Variants in PGAP4 observed in about 807,000 individuals in gnomAD.
PGAP4 encodes post-GPI attachment to proteins GalNAc transferase 4, also known as GPI-N-acetylgalactosamine transferase PGAP4.
In PGAP4, 12 loss-of-function variants were observed where a neutral mutation model predicts 28.2. That is an observed-to-expected ratio of 0.42 (90% CI 0.27 to 0.69). PGAP4 has a LOEUF of 0.69. Among genes scored for constraint, PGAP4 ranks in the 30% least tolerant of loss-of-function variants. The pLI is 0.22. For synonymous variants in PGAP4, 205 were observed against 211.8 expected, an observed-to-expected ratio of 0.97 and a Z score of 0.28; for missense variants, 425 against 513.5, an observed-to-expected ratio of 0.83 and a Z score of 1.67.
intron 1 of PGAP4, chr9:101,481,460 A>T (rs1219826681): frequency 6.6e-6 from 1 of 152,234 alleles, no homozygotes; most frequent in Non-Finnish European, 1.5e-5. Flanking sequence ...CAGTTACACC[A>T]TTACAGCTCC....
At position 101,476,179 on chromosome 9, in the gene PGAP4, A is replaced by G; in HGVS notation, c.914T>C (p.Val305Ala). 6.2e-7 allele frequency: 1 copy of G among 1,614,142 alleles called. No homozygotes were observed. The highest frequency in any genetic ancestry group is 8.5e-7 in the Non-Finnish European group (1 of 1,180,016). Residue 305 changes from valine (V) to alanine (A), a missense_variant, in exon 2 of 2, where the codon GTG becomes GCG. Coordinates refer to ENST00000374848, the MANE Select transcript of PGAP4 (RefSeq NM_032342.3). The surrounding 1 kb of genome is among the most constrained non-coding windows in gnomAD (Gnocchi z 7.0). ...LFFSLYSMGL[V>A]ELVGRHYFLE... ...GAAATAGTGCCGACCCACCAGCTCC[A>G]CCAGACCCATGCTATACAGGGAGAA...
At chr9:101,481,017 A>T (rs908984203) in intron 1 of PGAP4, among the ~76,000 whole-genome samples, 5 of 152,146 alleles carry the variant, frequency 3.3e-5, no homozygotes, top group Non-Finnish European at 7.3e-5. Flanking sequence ...TCTCAACAAA[A>T]GATACAAAAA....
upstream of PGAP4, among the ~76,000 whole-genome samples, chr9:101,491,103 A>G (rs1826684415): frequency 6.6e-6 from 1 of 152,160 alleles, no homozygotes; most frequent in African/African-American, 2.4e-5. Context: ...CAAAGATATT[A>G]GTTAATTGTC....
At position 101,474,143 on chromosome 9, in the gene PGAP4, A is replaced by G. The variant is rs1169964414; in HGVS notation, c.*1738T>C. The stretch of plus-strand genomic sequence containing the variant: ...TTAAGAAAAAAGTGCAGGGGCTTGA[A>G]GTCAGAAGAGCTCCGTTCCCATTTT... On this transcript the variant is annotated 3_prime_UTR_variant, in exon 2 of 2. Coordinates refer to ENST00000374848, the MANE Select transcript of PGAP4 (RefSeq NM_032342.3). The G allele has an allele frequency of 1.3e-5, 2 of 152,222 alleles. No individual in the cohort carries two copies. Among genetic ancestry groups the G allele is most frequent in the African/African-American group, 4.8e-5 (2 of 41,460 alleles). The allele number at this position is 152,222 out of a possible 1,614,324, so 9.4% of individuals were successfully genotyped here. A position where few individuals can be genotyped will look rare whatever the true frequency, so the allele number is the denominator to read the frequency against.
At chr9:101,481,536 C>T (rs1040502792) in intron 1 of PGAP4, 3 of 152,206 alleles carry the variant, frequency 2.0e-5, no homozygotes, top group East Asian at 3.9e-4. Flanking sequence ...GAAACACAAC[C>T]CTTCCCTAAA....
At chr9:101,512,554 A>G (rs936773813) in intron 2 of PGAP4, among the ~76,000 whole-genome samples, 1 of 152,204 alleles carries the variant, frequency 6.6e-6, no homozygotes, top group Non-Finnish European at 1.5e-5. Context: ...GTAAAAGCCA[A>G]TTAGACATTT....
At chr9:101,518,810 T>C (rs1826961913) in intron 2 of PGAP4, among the ~76,000 whole-genome samples, 1 of 152,210 alleles carries the variant, frequency 6.6e-6, no homozygotes. Context: ...ATGACTTCTT[T>C]TCCTCTGAGT....
intron 2 of PGAP4, among the ~76,000 whole-genome samples, chr9:101,514,487 T>A (rs1444403095): frequency 6.6e-6 from 1 of 151,874 alleles, no homozygotes; most frequent in Non-Finnish European, 1.5e-5. Context: ...GTCCTTTCTC[T>A]GTCTCTCATT....
At chr9:101,498,456 G>C (rs80348655) in intron 2 of PGAP4, among the ~76,000 whole-genome samples, 6,105 of 150,136 alleles carry the variant, frequency 0.041, 177 homozygotes, top group Admixed American at 0.079. Context: ...CTGTGGAGCT[G>C]TTGTAATTTG....
intron 2 of PGAP4, among the ~76,000 whole-genome samples, chr9:101,499,393 C>T (rs968472966): frequency 6.6e-6 from 1 of 151,382 alleles, no homozygotes; most frequent in African/African-American, 2.4e-5. Flanking sequence ...ACCTAAATAA[C>T]AGAGTCTCTC....
intron 2 of PGAP4, among the ~76,000 whole-genome samples, chr9:101,509,859 A>C (rs1286996904): frequency 6.8e-6 from 1 of 146,744 alleles, no homozygotes; most frequent in African/African-American, 2.4e-5. Context: ...AAAGCCGTCC[A>C]GTCATGGCAG....
intron 2 of PGAP4, among the ~76,000 whole-genome samples, chr9:101,500,984 A>G (rs1238458179): frequency 6.6e-6 from 1 of 152,032 alleles, no homozygotes; most frequent in African/African-American, 2.4e-5. Context: ...TAGACTGTAA[A>G]TTTCAAAAAA....
At chr9:101,481,556 CTACCTGT>C (rs2118532090) in intron 1 of PGAP4, 1 of 152,360 alleles carries the variant, frequency 6.6e-6, no homozygotes, top group Non-Finnish European at 1.5e-5. Context: ...ACAGAATTCT[CTACCTGT>C]TACCATATCT....
intron 1 of PGAP4, among the ~76,000 whole-genome samples, chr9:101,485,147 ATC>A (rs991518191): frequency 6.6e-6 from 1 of 152,124 alleles, no homozygotes; most frequent in Non-Finnish European, 1.5e-5. Context: ...TTTGGCATCT[ATC>A]TCTCTCTGCA....
intron 1 of PGAP4, among the ~76,000 whole-genome samples, chr9:101,482,548 G>C (rs1826518239): frequency 6.6e-6 from 1 of 152,204 alleles, no homozygotes; most frequent in South Asian, 2.1e-4. Context: ...TGAAGCATAA[G>C]TCAGAACATG....
At position 101,520,707 on chromosome 9, in the gene PGAP4, A is replaced by C. The variant is rs190784060; in HGVS notation, c.-165+10641T>G. Among the ~76,000 whole-genome samples the C allele has an allele frequency of 5.3e-5, 8 of 152,176 alleles. No individual in the cohort carries two copies. The East Asian group carries it at 1.5e-3, about 29-fold the overall frequency. On this transcript the variant is annotated intron_variant, in intron 2 of 3. Coordinates refer to the PGAP4 transcript ENST00000374851. Reference sequence around the variant, plus strand: ...CTCTTTACCGATTTGGATGCCCCTTATTTCTTTCTCGTGTCTGATTTCTCT... The same window carrying C: ...CTCTTTACCGATTTGGATGCCCCTTCTTTCTTTCTCGTGTCTGATTTCTCT...
At chr9:101,488,583 A>G (rs1300019799), upstream of PGAP4, among the ~76,000 whole-genome samples, 1 of 152,232 alleles carries the variant, frequency 6.6e-6, no homozygotes, top group East Asian at 1.9e-4. Context: ...CAAAATATCT[A>G]GCTTTCTATA....
chr9:101,477,234 A>ACAAACAAC, intron 1 of PGAP4, 65 bp from the exon 2 acceptor site: 1 of 1,313,596 alleles, frequency 7.6e-7, no homozygotes, highest in Non-Finnish European at 1.0e-6. Context: ...AAACAAACAA[A>ACAAACAAC]AAAACAAAAG....
intron 2 of PGAP4, among the ~76,000 whole-genome samples, chr9:101,528,207 G>T (rs186294435): frequency 6.6e-5 from 10 of 152,116 alleles, no homozygotes; most frequent in Admixed American, 6.5e-4. Flanking sequence ...CTAGAATTCT[G>T]TACCAGTCAG....
Sources: allele counts gnomAD v4.1 joint callset (sites outside exome capture counted in the v4.1 genomes callset), GRCh38; gene constraint gnomAD v4.1.1; non-coding constraint Gnocchi (gnomAD v3.1); transcripts MANE v1.5; gene names NCBI Gene and HGNC (gene_info 2026-07-23, HGNC 2026-07-21).